Variants in ARL15 observed in about 807,000 individuals in gnomAD.
ARL15 encodes the protein ADP-ribosylation factor-like protein 15.
ARL15 carries 19 observed loss-of-function variants against 25.2 expected under a neutral mutation model. That is an observed-to-expected ratio of 0.75 (90% confidence interval 0.53 to 1.10). ARL15 has a LOEUF of 1.10. Ranked by LOEUF, ARL15 falls within the 50% of genes least tolerant of loss-of-function variation. The probability of loss-of-function intolerance (pLI) is 0.00; values close to 1 mark genes in which losing one functional copy is unlikely to be tolerated. For missense variants in ARL15, 220 were observed against 246.0 expected (o/e 0.89, Z 0.71); for synonymous variants, 94 against 86.8 (o/e 1.08, Z -0.46).
chr5:53,925,758 C>T (rs1337246774), intron 4 of ARL15, among the ~76,000 whole-genome samples: 2 of 151,866 alleles, frequency 1.3e-5, no homozygotes, highest in African/African-American at 4.8e-5. Flanking sequence ...CAGTGAGCAC[C>T]GATCACACCA....
intron 4 of ARL15, among the ~76,000 whole-genome samples, chr5:53,903,288 C>G (rs1745128626): frequency 1.3e-5 from 2 of 152,140 alleles, no homozygotes; most frequent in Admixed American, 1.3e-4. Flanking sequence ...TCATCCATGA[C>G]TAGTTGAAAA....
chr5:54,026,436 A>C (rs1479911866), intron 4 of ARL15, among the ~76,000 whole-genome samples: 1 of 151,996 alleles, frequency 6.6e-6, no homozygotes, highest in Admixed American at 6.6e-5. Context: ...TGCCCGGCTA[A>C]TGTTTGTATT....
intron 3 of ARL15, among the ~76,000 whole-genome samples, chr5:54,115,368 GGACTCAA>G (rs1752866606): frequency 6.6e-6 from 1 of 152,078 alleles, no homozygotes; most frequent in African/African-American, 2.4e-5. Flanking sequence ...TGCCTAGGCT[GGACTCAA>G]GACTCAAGTG....
chr5:54,060,077 C>A (rs533953289), intron 4 of ARL15, among the ~76,000 whole-genome samples: 1 of 128,812 alleles, frequency 7.8e-6, no homozygotes, highest in African/African-American at 3.1e-5. Flanking sequence ...GGGGACTGGT[C>A]TTTTCTGTGC....
chr5:54,145,496 G>C (rs1753877750), intron 3 of ARL15, among the ~76,000 whole-genome samples: 1 of 152,166 alleles, frequency 6.6e-6, no homozygotes, highest in South Asian at 2.1e-4. Flanking sequence ...CAGTTGTCGA[G>C]TTGCCATTCC....
intron 4 of ARL15, among the ~76,000 whole-genome samples, chr5:54,034,142 A>T (rs1750096114): frequency 6.6e-6 from 1 of 152,172 alleles, no homozygotes; most frequent in Non-Finnish European, 1.5e-5. Flanking sequence ...TCTTGTCATT[A>T]TTCCCCCAGA....
chr5:54,104,395 G>A (rs1374733814), intron 4 of ARL15, among the ~76,000 whole-genome samples: 1 of 152,126 alleles, frequency 6.6e-6, no homozygotes, highest in Non-Finnish European at 1.5e-5. Context: ...ACATGCGCCT[G>A]TTAAAATGTT....
chr5:54,166,626 C>A (rs1754576302), intron 2 of ARL15, among the ~76,000 whole-genome samples: 1 of 152,122 alleles, frequency 6.6e-6, no homozygotes, highest in Non-Finnish European at 1.5e-5. Context: ...TTTCCACTCA[C>A]CTTCATGGAC....
At chr5:54,272,992 A>G (rs920791416) in intron 1 of ARL15, among the ~76,000 whole-genome samples, 5 of 152,204 alleles carry the variant, frequency 3.3e-5, no homozygotes, top group African/African-American at 1.2e-4. Context: ...GCAACAGTCT[A>G]GCCACAAGAA....
At chr5:54,096,705 C>A (rs1752298903) in intron 4 of ARL15, among the ~76,000 whole-genome samples, 1 of 152,058 alleles carries the variant, frequency 6.6e-6, no homozygotes. Context: ...CCACCGTGCC[C>A]GGCCTAATAA....
intron 4 of ARL15, among the ~76,000 whole-genome samples, chr5:54,023,295 A>AT (rs200145135): frequency 0.66 from 99,582 of 151,948 alleles, 32,925 homozygotes; most frequent in East Asian, 0.84. Context: ...ATCTAAACAG[A>AT]CACATTTAAA....
intron 4 of ARL15, among the ~76,000 whole-genome samples, chr5:53,996,550 C>T (rs1371698849): frequency 1.4e-5 from 2 of 140,720 alleles, no homozygotes; most frequent in African/African-American, 2.7e-5. Context: ...ACCCGGGAGG[C>T]GGAGGTTGCA....
At chr5:54,137,297 G>A (rs978028839) in intron 3 of ARL15, among the ~76,000 whole-genome samples, 4 of 152,112 alleles carry the variant, frequency 2.6e-5, no homozygotes, top group African/African-American at 9.7e-5. Flanking sequence ...CTGGTGACCT[G>A]CCCCATTGAA....
intron 3 of ARL15, among the ~76,000 whole-genome samples, chr5:54,152,636 A>T (rs529003839): frequency 1.8e-4 from 28 of 152,350 alleles, no homozygotes; most frequent in Non-Finnish European, 3.7e-4. Flanking sequence ...CCAAAAACTT[A>T]TGTATCACTA....
intron 3 of ARL15, among the ~76,000 whole-genome samples, chr5:54,152,370 T>G (rs1047046637): frequency 1.3e-5 from 2 of 152,164 alleles, no homozygotes; most frequent in Non-Finnish European, 2.9e-5. Context: ...TTTTCATGTG[T>G]TCCTGGTTGA....
chr5:54,283,384 A>G (rs975244023), intron 1 of ARL15, among the ~76,000 whole-genome samples: 1 of 152,236 alleles, frequency 6.6e-6, no homozygotes, highest in African/African-American at 2.4e-5. Context: ...TGGAAAATCA[A>G]ACTCTTAGGA....
intron 4 of ARL15, among the ~76,000 whole-genome samples, chr5:53,906,427 T>C (rs1263550578): frequency 6.6e-6 from 1 of 152,076 alleles, no homozygotes; most frequent in Non-Finnish European, 1.5e-5. Flanking sequence ...GTTTACCTCC[T>C]ACAAAACCTG....
chr5:54,203,898 G>A (rs1017108909), intron 1 of ARL15, among the ~76,000 whole-genome samples: 10 of 152,102 alleles, frequency 6.6e-5, no homozygotes, highest in Admixed American at 5.2e-4. Context: ...CCTACAGGCA[G>A]GGGCAGGAGG....
At chr5:54,242,596 G>C (rs559854510) in intron 1 of ARL15, among the ~76,000 whole-genome samples, 2 of 152,158 alleles carry the variant, frequency 1.3e-5, no homozygotes, top group Non-Finnish European at 2.9e-5. Flanking sequence ...TTTCTTGGAA[G>C]GGTTGCTGAG....
Sources: allele counts gnomAD v4.1 joint callset (sites outside exome capture counted in the v4.1 genomes callset), GRCh38; gene constraint gnomAD v4.1.1; transcripts MANE v1.5; gene names NCBI Gene and HGNC (gene_info 2026-07-23, HGNC 2026-07-21).